TCF4: variants seen among roughly 807,000 people sequenced by gnomAD.
The protein encoded by TCF4 is transcription factor 4.
Under a neutral mutation model 82.1 loss-of-function variants are expected in TCF4, and 3 were observed. That is an observed-to-expected ratio of 0.04 (90% CI 0.02 to 0.09). The LOEUF is 0.09. Among genes scored for constraint, TCF4 ranks in the 10% least tolerant of loss-of-function variants. The pLI, the probability that TCF4 is intolerant of heterozygous loss-of-function variation, is 1.00. For missense variants in TCF4, 518 were observed against 852.7 expected (o/e 0.61, Z 4.89); for synonymous variants, 276 against 309.6 (o/e 0.89, Z 1.14).
intron 5 of TCF4, among the ~76,000 whole-genome samples, chr18:55,420,117 G>A (rs932104481): frequency 2.6e-5 from 4 of 152,050 alleles, no homozygotes; most frequent in African/African-American, 4.8e-5. Flanking sequence ...GAATTAACAC[G>A]TGCAAAACAG....
intron 6 of TCF4, among the ~76,000 whole-genome samples, chr18:55,351,556 T>C (rs1326984344): frequency 6.6e-6 from 1 of 152,004 alleles, no homozygotes; most frequent in East Asian, 1.9e-4. Flanking sequence ...ATCCTCACAC[T>C]AACTCTCAAA....
intron 2 of TCF4, among the ~76,000 whole-genome samples, chr18:55,626,824 T>TA (rs767463573): frequency 6.6e-6 from 1 of 152,182 alleles, no homozygotes; most frequent in Non-Finnish European, 1.5e-5. Context: ...AGGAAAATGA[T>TA]AAAGGAATGT....
chr18:55,631,477 G>A, intron 1 of TCF4: 5 of 1,409,768 alleles, frequency 3.5e-6, no homozygotes, highest in East Asian at 5.3e-5. Context: ...GGGAAGAAAT[G>A]ATAATGTTTT....
chr18:55,327,858 CAA>C (rs2076842146), intron 8 of TCF4, among the ~76,000 whole-genome samples: 1 of 152,090 alleles, frequency 6.6e-6, no homozygotes, highest in South Asian at 2.1e-4. Context: ...AAAATAGATG[CAA>C]AAACCAGATT....
At chr18:55,377,703 A>G (rs1303293614) in intron 6 of TCF4, among the ~76,000 whole-genome samples, 1 of 152,210 alleles carries the variant, frequency 6.6e-6, no homozygotes, top group East Asian at 1.9e-4. Flanking sequence ...TGCCACATCT[A>G]TCATCCTTTT....
intron 5 of TCF4, among the ~76,000 whole-genome samples, chr18:55,434,419 CTTT>C (rs765165999): frequency 3.4e-5 from 4 of 118,198 alleles, no homozygotes; most frequent in Non-Finnish European, 3.3e-5. Context: ...ACAGGACATT[CTTT>C]TTTTTTTTTT....
At position 55,234,570 on chromosome 18, in the gene TCF4, G is replaced by C. The variant is rs1337651703; in HGVS notation, c.1464C>G (p.Asn488Lys). 1 of 1,614,002 alleles carries C rather than the reference G, an allele frequency of 6.2e-7. No homozygotes were observed. The highest frequency in any genetic ancestry group is 1.3e-5 in the African/African-American group (1 of 74,896). ...PVQSATSPDL[N>K]PPQDPYRGMP... is the part of the protein sequence containing the mutation. Reference sequence around the variant, plus strand: ...TACCTCTGTAAGGGTCCTGGGGTGGGTTCAGGTCAGGGGAAGTCGCAGACT... The same window carrying C: ...TACCTCTGTAAGGGTCCTGGGGTGGCTTCAGGTCAGGGGAAGTCGCAGACT... Residue 488 changes from asparagine to lysine, a missense_variant, in exon 16 of 20, where the codon AAC becomes AAG. By Grantham distance (94) the Asn-to-Lys change is moderately conservative (BLOSUM62 0). This residue lies in a region of TCF4 where 144 missense variants were observed against 190.2 expected (regional missense o/e 0.76). Coordinates refer to ENST00000354452, the MANE Select transcript of TCF4 (RefSeq NM_001083962.2).
chr18:55,401,285 C>T (rs2093801310), intron 6 of TCF4: 1 of 1,189,256 alleles, frequency 8.4e-7, no homozygotes, highest in African/African-American at 1.6e-5. Flanking sequence ...TTTATTTATC[C>T]CTAAGTAATC....
chr18:55,412,350 T>G (rs1158284015), intron 5 of TCF4, among the ~76,000 whole-genome samples: 1 of 113,392 alleles, frequency 8.8e-6, no homozygotes, highest in Non-Finnish European at 1.7e-5. Flanking sequence ...ATGAAGGCTG[T>G]TTTTTTTTTT....
chr18:55,500,970 G>C (rs1472558934), intron 3 of TCF4, among the ~76,000 whole-genome samples: 2 of 152,142 alleles, frequency 1.3e-5, no homozygotes, highest in Non-Finnish European at 2.9e-5. Flanking sequence ...GACTCACTCT[G>C]ATATTCCTTT....
intron 8 of TCF4, among the ~76,000 whole-genome samples, chr18:55,324,759 AT>A (rs1172330957): frequency 6.6e-6 from 1 of 152,028 alleles, no homozygotes; most frequent in African/African-American, 2.4e-5. Context: ...GAAAGCCACC[AT>A]CCCTCTCTGG....
chr18:55,361,294 C>T (rs2085117466), intron 6 of TCF4, among the ~76,000 whole-genome samples: 1 of 152,026 alleles, frequency 6.6e-6, no homozygotes, highest in Non-Finnish European at 1.5e-5. Flanking sequence ...AGTAGTCTAC[C>T]TCCCAGCCCT....
chr18:55,588,583 C>G (rs1325442867), upstream of TCF4: 1 of 1,521,144 alleles, frequency 6.6e-7, no homozygotes, highest in Non-Finnish European at 8.8e-7. Context: ...CCCCTCACTT[C>G]TTTCTTTCTC....
intron 3 of TCF4, chr18:55,510,557 T>A: frequency 2.0e-6 from 3 of 1,469,154 alleles, no homozygotes; most frequent in Non-Finnish European, 2.7e-6. Flanking sequence ...GCTTTTAAAA[T>A]ACAAGTTACA....
chr18:55,594,086 A>G (rs2097688394), intron 2 of TCF4, among the ~76,000 whole-genome samples: 1 of 152,200 alleles, frequency 6.6e-6, no homozygotes, highest in Non-Finnish European at 1.5e-5. Flanking sequence ...TTTGTGTGAA[A>G]GAAGTCCAGA....
intron 3 of TCF4, among the ~76,000 whole-genome samples, chr18:55,554,719 G>A (rs1294735801): frequency 6.6e-6 from 1 of 152,196 alleles, no homozygotes; most frequent in Non-Finnish European, 1.5e-5. Flanking sequence ...GGGGTGCCAT[G>A]CAGTGGCCCT....
At chr18:55,617,462 G>A (rs1308503118) in intron 2 of TCF4, among the ~76,000 whole-genome samples, 1 of 151,706 alleles carries the variant, frequency 6.6e-6, no homozygotes, top group African/African-American at 2.4e-5. Flanking sequence ...TTCCATTTCT[G>A]TAAAGAAAAT....
intron 8 of TCF4, among the ~76,000 whole-genome samples, chr18:55,301,872 T>C (rs2068436364): frequency 6.6e-6 from 1 of 151,618 alleles, no homozygotes; most frequent in African/African-American, 2.4e-5. Context: ...TCCAAAACTC[T>C]TGGAAGATGA....
intron 6 of TCF4, among the ~76,000 whole-genome samples, chr18:55,368,310 G>A (rs1369294790): frequency 2.6e-5 from 4 of 152,192 alleles, no homozygotes; most frequent in Admixed American, 1.3e-4. Context: ...GAACCCAGGA[G>A]GCGGAGGTTG....
Sources: allele counts gnomAD v4.1 joint callset (sites outside exome capture counted in the v4.1 genomes callset), GRCh38; gene constraint gnomAD v4.1.1; regional missense constraint gnomAD v4.1.1; transcripts MANE v1.5; gene names NCBI Gene and HGNC (gene_info 2026-07-23, HGNC 2026-07-21).